Variants in PTPRT observed in about 807,000 individuals in gnomAD.
PTPRT encodes the protein protein tyrosine phosphatase receptor type T.
PTPRT carries 56 observed loss-of-function variants against 176.8 expected under a neutral mutation model. The ratio of observed to expected loss-of-function variants is 0.32; its 90% confidence interval spans 0.26 to 0.40. The LOEUF is 0.40. Ranked by LOEUF, PTPRT falls within the 10% of genes least tolerant of loss-of-function variation. The pLI is 1.00. For synonymous variants in PTPRT, 783 were observed against 739.0 expected, an observed-to-expected ratio of 1.06 and a Z score of -0.96; for missense variants, 1,540 against 1,908.2, an observed-to-expected ratio of 0.81 and a Z score of 3.60.
At chr20:42,172,381 G>A (rs938568849) in intron 16 of PTPRT, among the ~76,000 whole-genome samples, 2 of 152,150 alleles carry the variant, frequency 1.3e-5, no homozygotes, top group African/African-American at 4.8e-5. Flanking sequence ...CTTCACAGTT[G>A]TTAGAGACTG....
At chr20:42,895,536 T>C (rs970619033) in intron 1 of PTPRT, among the ~76,000 whole-genome samples, 10 of 151,952 alleles carry the variant, frequency 6.6e-5, no homozygotes, top group African/African-American at 2.4e-4. Flanking sequence ...TCAGGATGTG[T>C]ACCCCAGAGG....
At chr20:42,352,005 G>A in intron 10 of PTPRT, 79 bp downstream of exon 10, 1 of 1,426,932 alleles carries the variant, frequency 7.0e-7, no homozygotes, top group South Asian at 1.2e-5. Flanking sequence ...GACAATTCAA[G>A]AAAAATTTCC....
At chr20:42,257,545 A>C (rs1035116939) in intron 13 of PTPRT, among the ~76,000 whole-genome samples, 3 of 150,878 alleles carry the variant, frequency 2.0e-5, no homozygotes, top group South Asian at 4.2e-4. Context: ...TGGATCCCTC[A>C]TGAACGGTTT....
At chr20:42,264,831 C>T (rs907619322) in intron 13 of PTPRT, among the ~76,000 whole-genome samples, 3 of 152,206 alleles carry the variant, frequency 2.0e-5, no homozygotes, top group Non-Finnish European at 2.9e-5. Context: ...ACTTTAGGTG[C>T]CCCAGGCCTG....
At chr20:42,908,013 C>T (rs2079500089) in intron 1 of PTPRT, among the ~76,000 whole-genome samples, 1 of 152,076 alleles carries the variant, frequency 6.6e-6, no homozygotes, top group African/African-American at 2.4e-5. Flanking sequence ...GAAGAGGTAA[C>T]AGTCTGAAAG....
chr20:42,718,818 C>G (rs2076264705), intron 6 of PTPRT, among the ~76,000 whole-genome samples: 1 of 151,972 alleles, frequency 6.6e-6, no homozygotes, highest in African/African-American at 2.4e-5. Context: ...TGTGTCTTTT[C>G]CTGCATTTTT....
chr20:42,533,486 C>T (rs563990566), intron 7 of PTPRT, among the ~76,000 whole-genome samples: 2 of 152,058 alleles, frequency 1.3e-5, no homozygotes, highest in Admixed American at 1.3e-4. Flanking sequence ...GGGGATGGCA[C>T]ACAATGGGCA....
At chr20:42,976,883 TG>T (rs1302259577) in intron 1 of PTPRT, among the ~76,000 whole-genome samples, 2 of 152,212 alleles carry the variant, frequency 1.3e-5, no homozygotes, top group African/African-American at 4.8e-5. Flanking sequence ...TTGCCACCTC[TG>T]GGAACTGCAA....
intron 6 of PTPRT, among the ~76,000 whole-genome samples, chr20:42,680,028 T>C (rs893240774): frequency 3.3e-5 from 5 of 152,190 alleles, no homozygotes; most frequent in Non-Finnish European, 7.3e-5. Flanking sequence ...TAGAATACAA[T>C]GTGCATTTGT....
intron 9 of PTPRT, among the ~76,000 whole-genome samples, chr20:42,416,433 C>T (rs928202344): frequency 1.8e-4 from 27 of 152,066 alleles, no homozygotes; most frequent in African/African-American, 5.3e-4. Flanking sequence ...GTGTTACAGC[C>T]GCCACAGGAA....
At chr20:42,991,350 C>A (rs1418600039) in intron 1 of PTPRT, among the ~76,000 whole-genome samples, 1 of 151,988 alleles carries the variant, frequency 6.6e-6, no homozygotes, top group Non-Finnish European at 1.5e-5. Flanking sequence ...TCTATCACAA[C>A]TGCTCACCTC....
intron 1 of PTPRT, among the ~76,000 whole-genome samples, chr20:42,901,081 G>A (rs1013438623): frequency 2.0e-5 from 3 of 152,058 alleles, no homozygotes; most frequent in South Asian, 2.1e-4. Flanking sequence ...TTGCCCTTTC[G>A]ACCCCCACAT....
intron 1 of PTPRT, among the ~76,000 whole-genome samples, chr20:42,930,307 T>C (rs34558750): frequency 0.048 from 7,300 of 152,178 alleles, 458 homozygotes; most frequent in African/African-American, 0.14. Context: ...TCCCTGCCAC[T>C]GCAGGTCTTT....
At chr20:42,503,931 G>C (rs1039429935) in intron 7 of PTPRT, among the ~76,000 whole-genome samples, 13 of 151,934 alleles carry the variant, frequency 8.6e-5, no homozygotes, top group African/African-American at 2.9e-4. Flanking sequence ...ACTTCATTCA[G>C]GTCACCTTAT....
At chr20:43,057,346 A>G in intron 1 of PTPRT, among the ~76,000 whole-genome samples, 1 of 100,560 alleles carries the variant, frequency 9.9e-6, no homozygotes, top group Non-Finnish European at 1.9e-5. Context: ...AGGGGAGGGG[A>G]GAAAGGAAGG....
At chr20:42,677,466 C>T (rs185932484) in intron 7 of PTPRT, among the ~76,000 whole-genome samples, 77 of 152,088 alleles carry the variant, frequency 5.1e-4, no homozygotes, top group African/African-American at 1.8e-3. Flanking sequence ...GGCCAGGGCC[C>T]CCAGAGACAA....
chr20:42,154,940 G>C (rs1989288570), intron 17 of PTPRT, among the ~76,000 whole-genome samples: 1 of 152,156 alleles, frequency 6.6e-6, no homozygotes, highest in Non-Finnish European at 1.5e-5. Context: ...AAGGGTATAT[G>C]GTTCAGAATC....
chr20:42,531,457 G>A (rs534463035), intron 7 of PTPRT, among the ~76,000 whole-genome samples: 2 of 152,284 alleles, frequency 1.3e-5, no homozygotes, highest in Admixed American at 6.5e-5. Flanking sequence ...AGATATGCCC[G>A]ACTCACTGGT....
At chr20:42,050,524 G>A in the PTPRT span, among the ~76,000 whole-genome samples, 5 of 152,198 alleles carry the variant, frequency 3.3e-5, no homozygotes, top group Admixed American at 6.5e-5. Context: ...GCTGTGTGTC[G>A]GGCTGTCTCC....
Sources: gnomAD v4.1 joint callset for allele counts (sites outside exome capture counted in the v4.1 genomes callset) on GRCh38, gnomAD v4.1.1 for gene constraint, MANE v1.5 for transcripts, NCBI Gene and HGNC (gene_info 2026-07-23, HGNC 2026-07-21) for gene names.